Variants in COMMD1 observed in about 807,000 individuals in gnomAD.
The protein encoded by COMMD1 is COMM domain-containing protein 1.
Under a neutral mutation model 17.2 loss-of-function variants are expected in COMMD1, and 10 were observed. The observed-to-expected ratio is 0.58, with a 90% confidence interval of 0.36 to 0.99. The LOEUF (loss-of-function observed/expected upper bound fraction) is 0.99. Ranked by LOEUF, COMMD1 falls within the 50% of genes least tolerant of loss-of-function variation. The probability of loss-of-function intolerance (pLI) is 0.01; values close to 1 mark genes in which losing one functional copy is unlikely to be tolerated. For missense variants in COMMD1, 270 were observed against 231.8 expected, an observed-to-expected ratio of 1.17 and a Z score of -1.07; for synonymous variants, 97 against 91.6, an observed-to-expected ratio of 1.06 and a Z score of -0.34.
intron 2 of COMMD1, chr2:62,084,748 TA>T (rs1671613368): frequency 6.6e-6 from 1 of 152,252 alleles, no homozygotes; most frequent in South Asian, 2.1e-4. Context: ...AGTATTCTTT[TA>T]AATGCTCTAC....
chr2:62,003,237 A>AC (rs1490603226), intron 2 of COMMD1, among the ~76,000 whole-genome samples: 32 of 150,938 alleles, frequency 2.1e-4, no homozygotes, highest in Non-Finnish European at 4.4e-5. Flanking sequence ...TCTCAAAAAA[A>AC]AAAAACAAAA....
intron 1 of COMMD1, among the ~76,000 whole-genome samples, chr2:61,964,294 C>T (rs978401454): frequency 1.3e-5 from 2 of 152,056 alleles, no homozygotes; most frequent in African/African-American, 4.8e-5. Context: ...GATCATGGCT[C>T]ACTGCAGTCT....
intron 2 of COMMD1, among the ~76,000 whole-genome samples, chr2:62,002,100 G>A (rs1391689162): frequency 1.3e-5 from 2 of 152,042 alleles, no homozygotes; most frequent in Non-Finnish European, 2.9e-5. Context: ...AACCTGGGAG[G>A]TGGAGGTTGC....
chr2:61,953,976 T>C (rs1198240803), intron 1 of COMMD1, among the ~76,000 whole-genome samples: 1 of 152,074 alleles, frequency 6.6e-6, no homozygotes, highest in East Asian at 1.9e-4. Context: ...TCCCAGCACT[T>C]TGGGAGGCTA....
intron 1 of COMMD1, among the ~76,000 whole-genome samples, chr2:61,947,562 A>C (rs960083183): frequency 1.3e-5 from 2 of 152,088 alleles, no homozygotes; most frequent in African/African-American, 4.8e-5. Flanking sequence ...GGGCGCCTGT[A>C]ATCCCAGCTA....
intron 2 of COMMD1, among the ~76,000 whole-genome samples, chr2:62,049,202 A>G (rs1176992975): frequency 1.6e-5 from 1 of 62,734 alleles, no homozygotes; most frequent in Non-Finnish European, 3.1e-5. Context: ...AATTACCAGG[A>G]AAAAAAAAAA....
chr2:62,100,049 T>G (rs935883485), intron 2 of COMMD1: 1 of 152,126 alleles, frequency 6.6e-6, no homozygotes, highest in Non-Finnish European at 1.5e-5. Flanking sequence ...AATGACTGTT[T>G]TGAATACACC....
At chr2:62,080,831 C>T (rs1458077870) in intron 2 of COMMD1, among the ~76,000 whole-genome samples, 2 of 147,412 alleles carry the variant, frequency 1.4e-5, no homozygotes, top group Non-Finnish European at 3.0e-5. Context: ...ATATATATTA[C>T]TCAGGCAAGT....
At chr2:61,925,193 G>C (rs139876703) in intron 1 of COMMD1, among the ~76,000 whole-genome samples, 7 of 150,646 alleles carry the variant, frequency 4.6e-5, no homozygotes, top group African/African-American at 5.0e-5. Context: ...GGGAGAGAGT[G>C]GGGGAGAGAG....
intron 2 of COMMD1, among the ~76,000 whole-genome samples, chr2:62,038,930 C>A (rs1231586587): frequency 1.3e-5 from 2 of 152,136 alleles, no homozygotes; most frequent in African/African-American, 4.8e-5. Context: ...TTTATGTATA[C>A]TCATATACAC....
chr2:62,005,021 CAGT>C (rs1175243287), intron 2 of COMMD1, among the ~76,000 whole-genome samples: 1 of 152,180 alleles, frequency 6.6e-6, no homozygotes, highest in Non-Finnish European at 1.5e-5. Flanking sequence ...CATTTTAAAG[CAGT>C]AGTTCTCAAC....
At chr2:62,004,012 C>T (rs1359031577) in intron 2 of COMMD1, among the ~76,000 whole-genome samples, 2 of 152,022 alleles carry the variant, frequency 1.3e-5, no homozygotes, top group Non-Finnish European at 1.5e-5. Context: ...TCTGTAGTTC[C>T]AGCTACTCAG....
intron 1 of COMMD1, among the ~76,000 whole-genome samples, chr2:61,987,711 A>G (rs962349882): frequency 1.3e-5 from 2 of 152,112 alleles, no homozygotes; most frequent in Non-Finnish European, 2.9e-5. Context: ...CTAGGACTCT[A>G]CAATCAGCAG....
At chr2:62,035,346 T>G (rs1670009467) in intron 2 of COMMD1, among the ~76,000 whole-genome samples, 1 of 152,178 alleles carries the variant, frequency 6.6e-6, no homozygotes, top group Non-Finnish European at 1.5e-5. Context: ...TTGAAATAAG[T>G]TTTTATTGAT....
chr2:61,909,072 G>A (rs757853132), intron 1 of COMMD1, among the ~76,000 whole-genome samples: 63 of 152,182 alleles, frequency 4.1e-4, no homozygotes, highest in Non-Finnish European at 8.2e-4. Context: ...GGGATTACAA[G>A]CATGCACCAC....
chr2:62,110,053 C>G lies in COMMD1; in HGVS notation c.463-25778C>G, dbSNP rs566212643. On this transcript the variant is annotated intron_variant, in intron 2 of 2. Coordinates refer to ENST00000311832, the MANE Select transcript of COMMD1 (RefSeq NM_152516.4). ...CGATTATAGGTGTGAGCCACCACAT[C>G]TAGCCCTACATAATCTACTGAAATT... Among the ~76,000 whole-genome samples, 6 of 149,322 alleles carry G rather than the reference C, an allele frequency of 4.0e-5. No individual in the cohort carries two copies. The Admixed American group carries it at 4.1e-4, about 10-fold the overall frequency.
intron 2 of COMMD1, among the ~76,000 whole-genome samples, chr2:62,108,372 A>G (rs562745495): frequency 1.3e-5 from 2 of 152,260 alleles, no homozygotes; most frequent in Admixed American, 6.5e-5. Flanking sequence ...ACATGTGCAT[A>G]TGGAGGACTT....
chr2:62,098,458 T>C (rs201509427), intron 2 of COMMD1, among the ~76,000 whole-genome samples: 20 of 60,328 alleles, frequency 3.3e-4, no homozygotes. Context: ...CTAGGGTTGA[T>C]GTCAGCTAGG....
intron 1 of COMMD1, among the ~76,000 whole-genome samples, chr2:61,996,032 A>G (rs1668746049): frequency 6.6e-6 from 1 of 152,204 alleles, no homozygotes; most frequent in Admixed American, 6.5e-5. Flanking sequence ...GTGTGTAAGA[A>G]CACTGTGTCT....
Sources: gnomAD v4.1 joint callset for allele counts (sites outside exome capture counted in the v4.1 genomes callset) on GRCh38, gnomAD v4.1.1 for gene constraint, MANE v1.5 for transcripts, NCBI Gene and HGNC (gene_info 2026-07-23, HGNC 2026-07-21) for gene names.